GRM7: variants seen among roughly 807,000 people sequenced by gnomAD.
GRM7 encodes the protein metabotropic glutamate receptor 7.
In GRM7, 35 loss-of-function variants were observed where a neutral mutation model predicts 84.5. The observed-to-expected ratio is 0.41, with a 90% CI of 0.32 to 0.55. GRM7 has a LOEUF of 0.55. Ranked by LOEUF, GRM7 falls within the 20% of genes least tolerant of loss-of-function variation. The pLI, the probability that GRM7 is intolerant of heterozygous loss-of-function variation, is 0.19. For synonymous variants in GRM7, 487 were observed against 455.1 expected (o/e 1.07, Z -0.89); for missense variants, 1,003 against 1,194.6 (o/e 0.84, Z 2.36).
At chr3:7,309,807 G>A (rs1700328624) in intron 4 of GRM7, among the ~76,000 whole-genome samples, 1 of 152,142 alleles carries the variant, frequency 6.6e-6, no homozygotes, top group South Asian at 2.1e-4. Flanking sequence ...GATGAAAGGA[G>A]CCAGTTTCCT....
intron 4 of GRM7, among the ~76,000 whole-genome samples, chr3:7,355,374 C>A (rs1015195914): frequency 1.3e-5 from 2 of 152,020 alleles, no homozygotes; most frequent in Admixed American, 1.3e-4. Flanking sequence ...TGCAATAGGT[C>A]CAGGCACCTG....
chr3:7,624,506 A>C (rs1346297892), intron 8 of GRM7, among the ~76,000 whole-genome samples: 1 of 152,176 alleles, frequency 6.6e-6, no homozygotes, highest in African/African-American at 2.4e-5. Context: ...TACTTTTACA[A>C]AACCCATATA....
chr3:7,088,091 G>A (rs1394087060), intron 1 of GRM7, among the ~76,000 whole-genome samples: 1 of 152,182 alleles, frequency 6.6e-6, no homozygotes, highest in Non-Finnish European at 1.5e-5. Context: ...GTTATACCAT[G>A]AAAATTACTG....
chr3:7,644,863 T>A (rs543043431), intron 8 of GRM7, among the ~76,000 whole-genome samples: 1 of 152,254 alleles, frequency 6.6e-6, no homozygotes, highest in East Asian at 1.9e-4. Flanking sequence ...CACTCTCCAT[T>A]TCCAGGTCAG....
At chr3:7,570,338 G>A (rs1420725660) in intron 7 of GRM7, among the ~76,000 whole-genome samples, 1 of 152,142 alleles carries the variant, frequency 6.6e-6, no homozygotes, top group Non-Finnish European at 1.5e-5. Context: ...AGTCCCTTCT[G>A]CTTATGAGCC....
intron 2 of GRM7, among the ~76,000 whole-genome samples, chr3:7,169,312 T>TTG (rs1350187292): frequency 6.6e-6 from 1 of 152,198 alleles, no homozygotes; most frequent in East Asian, 1.9e-4. Flanking sequence ...ATTTGTCCCT[T>TTG]TGTTAATAAA....
intron 7 of GRM7, among the ~76,000 whole-genome samples, chr3:7,509,297 AGTT>A (rs1700126792): frequency 6.6e-6 from 1 of 152,166 alleles, no homozygotes; most frequent in African/African-American, 2.4e-5. Context: ...TTTTATGATT[AGTT>A]GTTATTAATC....
At chr3:7,056,779 A>G (rs952514799) in intron 1 of GRM7, among the ~76,000 whole-genome samples, 1 of 151,992 alleles carries the variant, frequency 6.6e-6, no homozygotes. Flanking sequence ...TAGTGGAATA[A>G]CAGAGAGAAA....
chr3:7,362,271 A>G (rs1019613344), intron 4 of GRM7, among the ~76,000 whole-genome samples: 4 of 152,064 alleles, frequency 2.6e-5, no homozygotes, highest in African/African-American at 7.2e-5. Flanking sequence ...GAAACTAATG[A>G]TAGTGTGAAC....
At chr3:6,982,305 G>T (rs984435298) in intron 1 of GRM7, among the ~76,000 whole-genome samples, 1 of 152,080 alleles carries the variant, frequency 6.6e-6, no homozygotes. Context: ...GAGGGAGAAG[G>T]GTAGGAGGGG....
intron 9 of GRM7, among the ~76,000 whole-genome samples, chr3:7,735,794 AAG>A (rs1424470169): frequency 6.6e-6 from 1 of 152,154 alleles, no homozygotes; most frequent in Non-Finnish European, 1.5e-5. Flanking sequence ...TAGCCTCTGT[AAG>A]AGAATTTTTT....
At position 7,102,116 on chromosome 3, in the gene GRM7, C is replaced by A. The variant is rs566243173; in HGVS notation, c.520-44336C>A. ...ACTAAGAAAAAAGAAGTTTATTTAC[C>A]CACTTATTTACCATTTCCATTTCTG... is the stretch of plus-strand genomic sequence containing the variant. On this transcript the variant is annotated intron_variant, in intron 1 of 9. Transcript: ENST00000357716. Among the ~76,000 whole-genome samples, 72 of 151,456 alleles carry A rather than the reference C, an allele frequency of 4.8e-4. No individual in the cohort carries two copies. The Middle Eastern group carries it at 0.017, about 36-fold the overall frequency.
intron 5 of GRM7, among the ~76,000 whole-genome samples, chr3:7,416,410 G>T (rs1696160878): frequency 1.3e-5 from 2 of 152,154 alleles, no homozygotes; most frequent in South Asian, 4.1e-4. Flanking sequence ...ACACATTCAT[G>T]TGGGACACAG....
intron 9 of GRM7, among the ~76,000 whole-genome samples, chr3:7,692,977 CTTTT>C (rs376324014): frequency 1.3e-4 from 19 of 143,548 alleles, no homozygotes; most frequent in African/African-American, 2.8e-4. Context: ...TTCTTTCTTT[CTTTT>C]TTTTTTTTTC....
At chr3:7,519,124 T>A (rs2011728) in intron 7 of GRM7, among the ~76,000 whole-genome samples, 57,259 of 152,018 alleles carry the variant, frequency 0.38, 11,805 homozygotes, top group East Asian at 0.53. Context: ...CCAGTTTTTT[T>A]CACTATATAT....
intron 2 of GRM7, among the ~76,000 whole-genome samples, chr3:7,160,062 A>C (rs1425044618): frequency 6.6e-6 from 1 of 152,158 alleles, no homozygotes; most frequent in African/African-American, 2.4e-5. Flanking sequence ...AGGAAGCATT[A>C]AAGGCACACA....
intron 2 of GRM7, among the ~76,000 whole-genome samples, chr3:7,191,091 C>T (rs1033634496): frequency 2.6e-5 from 4 of 152,012 alleles, no homozygotes; most frequent in Non-Finnish European, 5.9e-5. Context: ...TTAGATTGCC[C>T]ATTGCTTTTG....
At chr3:7,694,657 T>TTTAA (rs1312812150) in intron 9 of GRM7, among the ~76,000 whole-genome samples, 1 of 152,194 alleles carries the variant, frequency 6.6e-6, no homozygotes, top group East Asian at 1.9e-4. Flanking sequence ...TCAGTTTTCA[T>TTTAA]TTAATTTCAT....
intron 1 of GRM7, among the ~76,000 whole-genome samples, chr3:6,922,974 A>G (rs1697173576): frequency 1.3e-5 from 2 of 152,160 alleles, no homozygotes; most frequent in Non-Finnish European, 2.9e-5. Context: ...CTTTTAGGCT[A>G]TCAAACAAAC....
Sources: gnomAD v4.1 joint callset for allele counts (sites outside exome capture counted in the v4.1 genomes callset) on GRCh38, gnomAD v4.1.1 for gene constraint, MANE v1.5 for transcripts, NCBI Gene and HGNC (gene_info 2026-07-23, HGNC 2026-07-21) for gene names.